CCSER1: variants seen among roughly 807,000 people sequenced by gnomAD.
CCSER1 encodes serine-rich coiled-coil domain-containing protein 1.
CCSER1 carries 41 observed loss-of-function variants against 82.0 expected under a neutral mutation model. The observed-to-expected ratio is 0.50, with a 90% CI of 0.39 to 0.65. The LOEUF is 0.65. Ranked by LOEUF, CCSER1 falls within the 30% of genes least tolerant of loss-of-function variation. The pLI, the probability that CCSER1 is intolerant of heterozygous loss-of-function variation, is 0.00. For missense variants in CCSER1, 1,119 were observed against 1,064.2 expected (o/e 1.05, Z -0.72); for synonymous variants, 414 against 383.9 (o/e 1.08, Z -0.92).
chr4:90,181,130 AC>A (rs1733658884), intron 1 of CCSER1, among the ~76,000 whole-genome samples: 1 of 152,148 alleles, frequency 6.6e-6, no homozygotes, highest in Non-Finnish European at 1.5e-5. Context: ...TACTTGGGTT[AC>A]AAAATGATCT....
At chr4:91,300,681 A>G (rs898129855) in intron 10 of CCSER1, among the ~76,000 whole-genome samples, 4 of 151,900 alleles carry the variant, frequency 2.6e-5, no homozygotes, top group African/African-American at 9.7e-5. Flanking sequence ...AAAGATTTTA[A>G]CTAAGTACTG....
intron 3 of CCSER1, among the ~76,000 whole-genome samples, chr4:90,381,176 C>G (rs989459575): frequency 6.6e-6 from 1 of 152,194 alleles, no homozygotes; most frequent in African/African-American, 2.4e-5. Flanking sequence ...CAGTGCTGAT[C>G]GTGCCCCACT....
rs150133247 is a variant in CCSER1, at chr4:91,599,715, T to G, written c.*658T>G. ...CACAAAGGATTTCAGACAGAGTAAT[T>G]GCTAGCCAAATAGAGAATGACAGCT... On this transcript the variant is annotated 3_prime_UTR_variant, in exon 11 of 11. Transcript: ENST00000509176. 1.3e-5 allele frequency: 2 copies of G among 152,244 alleles called. No individual in the cohort carries two copies. The highest frequency in any genetic ancestry group is 1.3e-4 in the Admixed American group (2 of 15,270). 9.4% of individuals were successfully genotyped at this position (152,244 alleles called of 1,614,324 possible).
intron 10 of CCSER1, among the ~76,000 whole-genome samples, chr4:91,392,974 G>T (rs1021201993): frequency 6.6e-6 from 1 of 152,106 alleles, no homozygotes; most frequent in Non-Finnish European, 1.5e-5. Context: ...GGCTGAGGTG[G>T]TGTATTTTTA....
At chr4:90,285,562 A>C (rs954250778) in intron 1 of CCSER1, among the ~76,000 whole-genome samples, 1 of 151,972 alleles carries the variant, frequency 6.6e-6, no homozygotes, top group Non-Finnish European at 1.5e-5. Context: ...AGTTTTTCTA[A>C]ATATAAGATC....
intron 1 of CCSER1, among the ~76,000 whole-genome samples, chr4:90,228,865 G>T (rs1038521219): frequency 6.6e-6 from 1 of 152,212 alleles, no homozygotes; most frequent in African/African-American, 2.4e-5. Flanking sequence ...GGAAGAAAGG[G>T]TATCAGCGAT....
chr4:90,866,715 G>A (rs886543764), intron 8 of CCSER1, among the ~76,000 whole-genome samples: 5 of 152,038 alleles, frequency 3.3e-5, no homozygotes, highest in Middle Eastern at 3.2e-3. Context: ...CTCATCTGCA[G>A]CAGCAGTTCC....
At chr4:90,427,183 G>A (rs1479688547) in intron 4 of CCSER1, among the ~76,000 whole-genome samples, 2 of 151,892 alleles carry the variant, frequency 1.3e-5, no homozygotes, top group African/African-American at 2.4e-5. Flanking sequence ...TCCTAGCTCA[G>A]TCACTTAGTT....
At chr4:91,181,040 G>A (rs1432458120) in intron 10 of CCSER1, among the ~76,000 whole-genome samples, 5 of 152,200 alleles carry the variant, frequency 3.3e-5, no homozygotes, top group East Asian at 3.8e-4. Flanking sequence ...GCCCTGGGAG[G>A]GCCAGATGTT....
intron 10 of CCSER1, among the ~76,000 whole-genome samples, chr4:91,103,116 T>A (rs1725245155): frequency 6.6e-6 from 1 of 152,200 alleles, no homozygotes. Context: ...CTGGAGAACT[T>A]TGCTGCCCTT....
At chr4:91,053,474 T>C (rs997973333) in intron 9 of CCSER1, among the ~76,000 whole-genome samples, 24 of 152,236 alleles carry the variant, frequency 1.6e-4, no homozygotes, top group African/African-American at 5.8e-4. Flanking sequence ...TTAACCTTTT[T>C]TATTTTCTCT....
At chr4:91,480,300 T>A (rs889762268) in intron 10 of CCSER1, among the ~76,000 whole-genome samples, 9 of 152,174 alleles carry the variant, frequency 5.9e-5, no homozygotes, top group African/African-American at 2.2e-4. Flanking sequence ...TAATTCTAGA[T>A]CCCTAAGGAA....
intron 1 of CCSER1, among the ~76,000 whole-genome samples, chr4:90,205,894 A>G (rs1037894892): frequency 1.1e-4 from 16 of 152,280 alleles, no homozygotes; most frequent in African/African-American, 3.8e-4. Context: ...TGGTCTATTC[A>G]GGGATTTGAC....
chr4:91,347,072 A>G (rs1432310903), intron 10 of CCSER1, among the ~76,000 whole-genome samples: 1 of 152,122 alleles, frequency 6.6e-6, no homozygotes, highest in African/African-American at 2.4e-5. Flanking sequence ...ACCAAACTCA[A>G]GGTCACCAAG....
intron 3 of CCSER1, among the ~76,000 whole-genome samples, chr4:90,391,290 A>G (rs952541764): frequency 2.0e-5 from 3 of 146,948 alleles, no homozygotes; most frequent in South Asian, 4.2e-4. Context: ...AAAAAAAGAA[A>G]AAAAAAGAAA....
At chr4:90,988,844 T>G (rs1736797616) in intron 9 of CCSER1, among the ~76,000 whole-genome samples, 1 of 151,852 alleles carries the variant, frequency 6.6e-6, no homozygotes, top group South Asian at 2.1e-4. Context: ...CAGCAAGATT[T>G]GGCACACATA....
intron 1 of CCSER1, among the ~76,000 whole-genome samples, chr4:90,297,436 C>A (rs1732180394): frequency 6.6e-6 from 1 of 152,122 alleles, no homozygotes; most frequent in Non-Finnish European, 1.5e-5. Flanking sequence ...ATGTCATCTG[C>A]AAACAGGGAC....
At chr4:91,372,328 T>G (rs565134019) in intron 10 of CCSER1, among the ~76,000 whole-genome samples, 225 of 152,268 alleles carry the variant, frequency 1.5e-3, no homozygotes, top group Non-Finnish European at 2.2e-3. Context: ...GATAATCTCA[T>G]TCCACTGTAT....
chr4:91,441,718 A>C (rs1755167666), intron 10 of CCSER1, among the ~76,000 whole-genome samples: 1 of 152,136 alleles, frequency 6.6e-6, no homozygotes, highest in Non-Finnish European at 1.5e-5. Flanking sequence ...ATATCTAGAA[A>C]ACCCCATTGT....
Sources: gnomAD v4.1 joint callset for allele counts (sites outside exome capture counted in the v4.1 genomes callset) on GRCh38, gnomAD v4.1.1 for gene constraint, MANE v1.5 for transcripts, NCBI Gene and HGNC (gene_info 2026-07-23, HGNC 2026-07-21) for gene names.